The following PAX2 variants were observed in gnomAD, a reference collection of about 807,000 sequenced individuals.
PAX2 encodes the protein paired box protein Pax-2.
A neutral mutation model predicts 41.7 loss-of-function variants in PAX2; 9 were observed. The observed-to-expected ratio is 0.22, with a 90% CI of 0.13 to 0.38. The LOEUF (loss-of-function observed/expected upper bound fraction) is 0.38, where lower values mean the gene tolerates loss of function less well. Among genes scored for constraint, PAX2 ranks in the 10% least tolerant of loss-of-function variants. PAX2 has a pLI of 1.00. For missense variants in PAX2, 418 were observed against 531.6 expected (o/e 0.79, Z 2.10); for synonymous variants, 221 against 212.7 (o/e 1.04, Z -0.34).
chr10:100,781,212 A>C (rs774671052), intron 4 of PAX2, 34 bp from the exon 5 acceptor site: 5 of 1,613,168 alleles, frequency 3.1e-6, no homozygotes, highest in Non-Finnish European at 4.2e-6. Flanking sequence ...CTAAACTGCT[A>C]TCCTGATGCC....
intron 5 of PAX2, among the ~76,000 whole-genome samples, chr10:100,790,076 C>T (rs572622438): frequency 2.0e-4 from 30 of 152,346 alleles, no homozygotes; most frequent in African/African-American, 7.0e-4. Context: ...TCACCAACTA[C>T]CTTTGCTTCC....
chr10:100,822,631 C>T (rs773573544), intron 7 of PAX2, among the ~76,000 whole-genome samples: 5 of 152,188 alleles, frequency 3.3e-5, no homozygotes, highest in Non-Finnish European at 5.9e-5. Flanking sequence ...CATGGTAAAC[C>T]ATGCAGCACA....
intron 5 of PAX2, among the ~76,000 whole-genome samples, chr10:100,793,671 C>T (rs1421956280): frequency 1.3e-5 from 2 of 152,230 alleles, no homozygotes; most frequent in African/African-American, 2.4e-5. Flanking sequence ...AATGCCAGGG[C>T]CCTAAGGGGC....
In PAX2 at chr10:100,749,771, C is replaced by CG. The variant is rs75462234; in HGVS notation, c.76dup (p.Val26GlyfsTer28). ...CAGGGCACGGGGGTGTGAACCAGCT[C>CG]GGGGGGGTGTTTGTGAACGGCCGGC... On this transcript the variant is annotated frameshift_variant, in exon 2 of 10. Transcript: ENST00000355243. LOFTEE classifies it high-confidence loss of function. 8 of 1,611,214 alleles carry CG rather than the reference C, an allele frequency of 5.0e-6. No homozygotes were observed. The highest frequency in any genetic ancestry group is 2.5e-6 in the Non-Finnish European group (3 of 1,178,500).
At chr10:100,739,361 G>T (rs1844874584) in intron 1 of PAX2, among the ~76,000 whole-genome samples, 1 of 152,200 alleles carries the variant, frequency 6.6e-6, no homozygotes, top group South Asian at 2.1e-4. Flanking sequence ...GGGTCCCCCT[G>T]CCTTACCAGC....
intron 3 of PAX2, among the ~76,000 whole-genome samples, chr10:100,776,208 C>A (rs1033435986): frequency 2.0e-5 from 3 of 152,198 alleles, no homozygotes; most frequent in Non-Finnish European, 4.4e-5. Context: ...TTTCCAAAAA[C>A]TTCTGAGGCA....
chr10:100,788,841 T>A (rs1846981910), intron 5 of PAX2, among the ~76,000 whole-genome samples: 1 of 152,002 alleles, frequency 6.6e-6, no homozygotes, highest in South Asian at 2.1e-4. Flanking sequence ...TATGTCTGTT[T>A]ACCACCTAAT....
chr10:100,796,172 T>G (rs1439622396), intron 5 of PAX2, among the ~76,000 whole-genome samples: 1 of 152,246 alleles, frequency 6.6e-6, no homozygotes, highest in Non-Finnish European at 1.5e-5. Flanking sequence ...CTGGAAGAGA[T>G]AGTAAATTTT....
chr10:100,785,831 T>A (rs965307778), intron 5 of PAX2, among the ~76,000 whole-genome samples: 1 of 152,134 alleles, frequency 6.6e-6, no homozygotes, highest in African/African-American at 2.4e-5. Context: ...TCAGTGGGAA[T>A]GAATGTGGCC....
At position 100,748,886 on chromosome 10, in the gene PAX2, G is replaced by A. The variant is rs917681980; in HGVS notation, c.44-860G>A. On this transcript the variant is annotated intron_variant, in intron 1 of 9. Transcript: ENST00000355243. The surrounding 1 kb of genome is among the most constrained non-coding windows in gnomAD (Gnocchi z 5.0). ...TTATTAACTCGCCAGCGAGGCCTAT[G>A]CCGTGCCACCTGGGCGAGACGGTGG... 8 of 985,400 alleles carry A rather than the reference G, an allele frequency of 8.1e-6. No individual in the cohort carries two copies. Among genetic ancestry groups the A allele is most frequent in the Non-Finnish European group, 9.6e-6 (8 of 829,930 alleles). 61.0% of individuals were successfully genotyped at this position (985,400 alleles called of 1,614,324 possible).
At position 100,826,676 on chromosome 10, in the gene PAX2, C is replaced by T. The variant is rs1848577421; in HGVS notation, c.1022-333C>T. On this transcript the variant is annotated intron_variant, in intron 8 of 9. Coordinates refer to ENST00000355243, the MANE Select transcript of PAX2 (RefSeq NM_000278.5). This position sits in a 1 kb window ranked among gnomAD's most constrained non-coding sequence, Gnocchi z 5.5. Reference sequence around the variant, plus strand: ...GGAGTGGCATCTATAAAGGCCCTGGCCCCCAGCGCGACAGGGTGGACGCGC... The same window carrying T: ...GGAGTGGCATCTATAAAGGCCCTGGTCCCCAGCGCGACAGGGTGGACGCGC... Among the ~76,000 whole-genome samples the T allele has an allele frequency of 6.6e-6, 1 of 152,244 alleles. No homozygotes were observed. Among genetic ancestry groups the T allele is most frequent in the South Asian group, 2.1e-4 (1 of 4,834 alleles).
chr10:100,802,466 G>A (rs777288610), intron 5 of PAX2, among the ~76,000 whole-genome samples: 9 of 152,208 alleles, frequency 5.9e-5, no homozygotes, highest in Non-Finnish European at 7.3e-5. Context: ...AGGCCTGTGC[G>A]TCAGAGCTGA....
chr10:100,789,853 G>A (rs747762594), intron 5 of PAX2, among the ~76,000 whole-genome samples: 23 of 152,234 alleles, frequency 1.5e-4, no homozygotes, highest in African/African-American at 4.8e-4. Flanking sequence ...AGAGTTGGCC[G>A]TGAGCCTGTT....
At chr10:100,746,356 C>A in intron 1 of PAX2, 53 bp downstream of exon 1, 1 of 1,256,820 alleles carries the variant, frequency 8.0e-7, no homozygotes, top group Non-Finnish European at 1.2e-6. Flanking sequence ...CGTCCCAACC[C>A]TGTCCAGTCC....
chr10:100,757,131 A>T (rs892973954), intron 3 of PAX2, among the ~76,000 whole-genome samples: 46 of 152,326 alleles, frequency 3.0e-4, no homozygotes, highest in African/African-American at 1.1e-3. Flanking sequence ...GCAGTGTAGA[A>T]GTTGATATCT....
rs1393743773 is a variant in PAX2 at position 100,748,545 on chromosome 10, G to T, written c.44-1201G>T. 3 of 985,248 alleles carry T rather than the reference G, an allele frequency of 3.0e-6. No individual in the cohort carries two copies. The African/African-American group carries it at 5.2e-5, about 17-fold the overall frequency. The allele number at this position is 985,248 out of a possible 1,614,324, so 61.0% of individuals were successfully genotyped here. ...TTGCCAGTCCGGGCCGACCCGACTC[G>T]GCCGCTAGAAGTCTCTGCGCTTGGA... On this transcript the variant is annotated intron_variant, in intron 1 of 9. Transcript: ENST00000355243. The surrounding 1 kb of genome is among the most constrained non-coding windows in gnomAD (Gnocchi z 5.0).
At chr10:100,744,871 C>T (rs1015204659), upstream of PAX2, among the ~76,000 whole-genome samples, 8 of 152,166 alleles carry the variant, frequency 5.3e-5, no homozygotes, top group African/African-American at 1.9e-4. Flanking sequence ...CTGGGGAGGC[C>T]CTGCGCACAG....
At chr10:100,809,331 A>G (rs1164335789) in intron 7 of PAX2, 95 bp downstream of exon 7, 2 of 1,206,738 alleles carry the variant, frequency 1.7e-6, no homozygotes, top group East Asian at 2.3e-5. Context: ...CAGGTCCCCC[A>G]CCGTGATATT....
chr10:100,798,812 C>T (rs2133934251), intron 5 of PAX2, among the ~76,000 whole-genome samples: 1 of 152,358 alleles, frequency 6.6e-6, no homozygotes, highest in Admixed American at 6.5e-5. Flanking sequence ...CCACCCCATT[C>T]CTCAGCTCCC....
Sources: allele counts gnomAD v4.1 joint callset (sites outside exome capture counted in the v4.1 genomes callset), GRCh38; gene constraint gnomAD v4.1.1; non-coding constraint Gnocchi (gnomAD v3.1); transcripts MANE v1.5; gene names NCBI Gene and HGNC (gene_info 2026-07-23, HGNC 2026-07-21).